Variants in PAX3 observed in about 807,000 individuals in gnomAD.
PAX3 encodes the protein paired box 3.
PAX3 carries 14 observed loss-of-function variants against 51.6 expected under a neutral mutation model. The observed-to-expected ratio is 0.27, with a 90% confidence interval of 0.18 to 0.42. The LOEUF is 0.42. Among genes scored for constraint, PAX3 ranks in the 10% least tolerant of loss-of-function variants. The probability of loss-of-function intolerance (pLI) is 1.00; values close to 1 mark genes in which losing one functional copy is unlikely to be tolerated. For missense variants in PAX3, 540 were observed against 642.8 expected (o/e 0.84, Z 1.73); for synonymous variants, 280 against 253.4 (o/e 1.11, Z -1.00).
In PAX3 at chr2:222,224,880, A is replaced by G. The variant is rs369496668; in HGVS notation, c.793-3493T>C. Reference sequence around the variant, plus strand: ...TTTTGAAAAGAATAGCAGTAGCAACAGAGGCAAACTGGCCTATGACTGATG... The same window carrying G: ...TTTTGAAAAGAATAGCAGTAGCAACGGAGGCAAACTGGCCTATGACTGATG... On this transcript the variant is annotated intron_variant, in intron 5 of 8. Coordinates refer to ENST00000392070, the MANE Select transcript of PAX3 (RefSeq NM_181458.4). Among the ~76,000 whole-genome samples, 12 of 152,350 alleles carry G rather than the reference A, an allele frequency of 7.9e-5. No homozygotes were observed. In the East Asian group the frequency reaches 2.3e-3, roughly 29 times the overall value.
intron 4 of PAX3, among the ~76,000 whole-genome samples, chr2:222,241,422 G>A (rs983020209): frequency 2.0e-5 from 3 of 152,164 alleles, no homozygotes; most frequent in Non-Finnish European, 4.4e-5. Context: ...GCCAATCAGA[G>A]TAGGTTCAGC....
chr2:222,220,149 G>A lies in PAX3; in HGVS notation c.1164C>T (p.Leu388=), dbSNP rs946285656. 3 of 1,613,476 alleles carry A rather than the reference G, an allele frequency of 1.9e-6. No homozygotes were observed. In the Admixed American group the frequency reaches 5.0e-5, roughly 27 times the overall value. Residue 388 remains leucine, a synonymous_variant, in exon 7 of 9, where the codon CTC becomes CTT. Coordinates refer to ENST00000392070, the MANE Select transcript of PAX3 (RefSeq NM_181458.4). ...GAAACACGGGACTGACCTGAGGTGAGAGGCCATTGCCAATGGTGGGGTTCA... is the reference window on the plus strand; with the variant it reads ...GAAACACGGGACTGACCTGAGGTGAAAGGCCATTGCCAATGGTGGGGTTCA... ...NPMNPTIGNG[L]SPQVMGLLTN...
chr2:222,288,493 A>G (rs1694914319), intron 4 of PAX3, among the ~76,000 whole-genome samples: 1 of 152,220 alleles, frequency 6.6e-6, no homozygotes, highest in African/African-American at 2.4e-5. Context: ...AGTCAATATA[A>G]CACTCAGATT....
intron 4 of PAX3, among the ~76,000 whole-genome samples, chr2:222,249,028 TG>T (rs1223158762): frequency 2.0e-5 from 3 of 152,174 alleles, no homozygotes; most frequent in Admixed American, 2.0e-4. Context: ...GGCTCTTTCT[TG>T]GTTTCAGTAT....
chr2:222,206,138 A>T (rs996057490), intron 7 of PAX3, among the ~76,000 whole-genome samples: 10 of 148,358 alleles, frequency 6.7e-5, no homozygotes, highest in Admixed American at 1.3e-4. Context: ...TTTTGTACCA[A>T]TTTTTTTTTT....
At chr2:222,252,761 G>A (rs1232993597) in intron 4 of PAX3, among the ~76,000 whole-genome samples, 4 of 152,014 alleles carry the variant, frequency 2.6e-5, no homozygotes, top group African/African-American at 4.8e-5. Context: ...AACCTTATAG[G>A]GCAGGTGTCC....
At chr2:222,295,769 G>T in intron 2 of PAX3, 112 bp from the exon 3 acceptor site, 1 of 1,264,930 alleles carries the variant, frequency 7.9e-7, no homozygotes. Context: ...CTCTGGGACG[G>T]TCCCCCTTTG....
intron 4 of PAX3, among the ~76,000 whole-genome samples, chr2:222,276,938 A>C (rs763984426): frequency 2.6e-5 from 4 of 152,226 alleles, no homozygotes; most frequent in Non-Finnish European, 5.9e-5. Context: ...GAAGCAAACA[A>C]GATAAGGCAC....
chr2:222,276,608 G>A (rs1302035990), intron 4 of PAX3, among the ~76,000 whole-genome samples: 2 of 152,216 alleles, frequency 1.3e-5, no homozygotes, highest in Admixed American at 1.3e-4. Context: ...CTCGCCCAGA[G>A]CTTCCATTTG....
chr2:222,222,219 T>C (rs1692220653), intron 5 of PAX3, among the ~76,000 whole-genome samples: 1 of 152,046 alleles, frequency 6.6e-6, no homozygotes. Context: ...ATATCTAAAC[T>C]ATTGAGAAAT....
rs373893014 is a variant in PAX3, at chr2:222,287,107, C to T, written c.586+7060G>A. On this transcript the variant is annotated intron_variant, in intron 4 of 8. Transcript: ENST00000392070. Reference sequence around the variant, plus strand: ...GTAAAAGCTCACAATGCTATTGGAGCTCAGTATTTCCCAACACTGTAGGGT... The same window carrying T: ...GTAAAAGCTCACAATGCTATTGGAGTTCAGTATTTCCCAACACTGTAGGGT... Among the ~76,000 whole-genome samples, 8 of 152,318 alleles carry T rather than the reference C, an allele frequency of 5.3e-5. No individual in the cohort carries two copies. The South Asian group carries it at 1.2e-3, about 24-fold the overall frequency.
intron 4 of PAX3, among the ~76,000 whole-genome samples, chr2:222,251,578 A>G (rs542022295): frequency 6.6e-6 from 1 of 152,274 alleles, no homozygotes; most frequent in African/African-American, 2.4e-5. Context: ...ATACATGTGC[A>G]TGTGTCTTTA....
chr2:222,255,611 C>A (rs2106133896), intron 4 of PAX3, among the ~76,000 whole-genome samples: 1 of 152,308 alleles, frequency 6.6e-6, no homozygotes, highest in South Asian at 2.1e-4. Flanking sequence ...CTCAGGTTCT[C>A]TTGCAGGCAA....
chr2:222,218,286 C>T (rs988394464), intron 7 of PAX3, among the ~76,000 whole-genome samples: 12 of 152,282 alleles, frequency 7.9e-5, no homozygotes, highest in African/African-American at 2.2e-4. Context: ...TAGGAGATCA[C>T]ATTCTAGCAA....
intron 4 of PAX3, among the ~76,000 whole-genome samples, chr2:222,277,252 G>A (rs1031455146): frequency 6.6e-6 from 1 of 152,206 alleles, no homozygotes; most frequent in Admixed American, 6.5e-5. Flanking sequence ...TGTGGCTGGG[G>A]GTTGGGGAGG....
In PAX3 at chr2:222,297,894, T is replaced by C. The variant is rs186882564; in HGVS notation, c.85+637A>G. 8.5e-5 allele frequency among the ~76,000 whole-genome samples: 13 copies of C among 152,270 alleles called. No homozygotes were observed. The East Asian group carries it at 2.5e-3, about 29-fold the overall frequency. ...GATGAGCATCTCTGCTGGGGCGCCC[T>C]AACCTGGAAAACCATTGAAAACGGC... is the stretch of plus-strand genomic sequence containing the variant. On this transcript the variant is annotated intron_variant, in intron 1 of 8. Coordinates refer to ENST00000392070, the MANE Select transcript of PAX3 (RefSeq NM_181458.4).
intron 4 of PAX3, among the ~76,000 whole-genome samples, chr2:222,267,146 T>C (rs765991374): frequency 6.6e-6 from 1 of 152,210 alleles, no homozygotes; most frequent in Non-Finnish European, 1.5e-5. Flanking sequence ...CTCAAAGTGT[T>C]CTCTCTCACC....
intron 4 of PAX3, chr2:222,293,692 T>TC (rs775277177): frequency 3.7e-6 from 6 of 1,614,182 alleles, no homozygotes; most frequent in Middle Eastern, 1.6e-4. Flanking sequence ...GGAGGGCCGT[T>TC]GCCCAAAAGA....
intron 7 of PAX3, chr2:222,214,601 T>A (rs982106052): frequency 6.6e-6 from 1 of 152,066 alleles, no homozygotes; most frequent in African/African-American, 2.4e-5. Flanking sequence ...TCTGTGATGA[T>A]TCAGCCGAAC....
Sources: allele counts gnomAD v4.1 joint callset (sites outside exome capture counted in the v4.1 genomes callset), GRCh38; gene constraint gnomAD v4.1.1; transcripts MANE v1.5; gene names NCBI Gene and HGNC (gene_info 2026-07-23, HGNC 2026-07-21).